ATP8B4: variants seen among roughly 807,000 people sequenced by gnomAD.
ATP8B4 encodes the protein probable phospholipid-transporting ATPase IM.
A neutral mutation model predicts 145.6 loss-of-function variants in ATP8B4; 133 were observed. The observed-to-expected ratio is 0.91, with a 90% confidence interval of 0.79 to 1.05. ATP8B4 has a LOEUF of 1.05. Among genes scored for constraint, ATP8B4 ranks in the 50% least tolerant of loss-of-function variants. The pLI is 0.00. For synonymous variants in ATP8B4, 507 were observed against 492.9 expected, an observed-to-expected ratio of 1.03 and a Z score of -0.38; for missense variants, 1,458 against 1,425.2, an observed-to-expected ratio of 1.02 and a Z score of -0.37.
intron 3 of ATP8B4, among the ~76,000 whole-genome samples, chr15:50,057,101 A>T (rs1304254440): frequency 6.6e-6 from 1 of 152,196 alleles, no homozygotes; most frequent in Admixed American, 6.5e-5. Context: ...TTATGGACAA[A>T]GGAGCTCATC....
At chr15:49,972,508 T>C in intron 13 of ATP8B4, 74 bp downstream of exon 13, 1 of 1,388,952 alleles carries the variant, frequency 7.2e-7, no homozygotes, top group Non-Finnish European at 9.8e-7. Context: ...GATTTTTAAA[T>C]TTTTTTTTAA....
At position 49,963,634 on chromosome 15, in the gene ATP8B4, C is replaced by T. The variant is rs191632636; in HGVS notation, c.1244-1614G>A. On this transcript the variant is annotated intron_variant, in intron 13 of 27. Transcript: ENST00000284509. ...GGACATGGATAGAGCTGGAATCCAT[C>T]ATCCTCAGCAAACTAACACAGGAAC... 8.5e-5 allele frequency among the ~76,000 whole-genome samples: 13 copies of T among 152,236 alleles called. No homozygotes were observed. In the East Asian group the frequency reaches 2.5e-3, roughly 29 times the overall value.
rs114445566 is a variant in ATP8B4 at position 49,985,079 on chromosome 15, A to G, written c.748+2312T>C. Among the ~76,000 whole-genome samples the G allele has an allele frequency of 4.5e-3, 678 of 150,402 alleles. 5 individuals are homozygous for G. The highest frequency in any genetic ancestry group is 0.016 in the African/African-American group (662 of 40,390). Reference sequence around the variant, plus strand: ...TAACTAGAGTAATAACACAGAAAGAATACTTAATAATTCATTTTGGATTTT... The same window carrying G: ...TAACTAGAGTAATAACACAGAAAGAGTACTTAATAATTCATTTTGGATTTT... On this transcript the variant is annotated intron_variant, in intron 10 of 27. Transcript: ENST00000284509.
chr15:49,934,189 G>T lies in ATP8B4; in HGVS notation c.1288-7C>A. ...AATCCACAGGCTCTTTTTCCTGTAG[G>T]AGAACAACAACAACAAAAATAACCA... On this transcript the variant is annotated splice_region_variant and splice_polypyrimidine_tract_variant and intron_variant, in intron 14 of 27. Coordinates refer to ENST00000284509, the MANE Select transcript of ATP8B4 (RefSeq NM_024837.4). The T allele has an allele frequency of 6.3e-7, 1 of 1,595,388 alleles. No individual in the cohort carries two copies. Among genetic ancestry groups the T allele is most frequent in the Admixed American group, 1.8e-5 (1 of 55,012 alleles).
chr15:49,941,877 TG>T (rs1167865373), intron 14 of ATP8B4, among the ~76,000 whole-genome samples: 11 of 152,174 alleles, frequency 7.2e-5, no homozygotes, highest in Non-Finnish European at 1.0e-4. Flanking sequence ...AAGAATAAAA[TG>T]TTTTTTTGCA....
At chr15:49,989,094 G>C (rs563680544) in intron 9 of ATP8B4, among the ~76,000 whole-genome samples, 2 of 152,182 alleles carry the variant, frequency 1.3e-5, no homozygotes, top group South Asian at 4.1e-4. Flanking sequence ...AGGAGGATTT[G>C]GATAAGACAA....
chr15:49,972,458 G>A (rs949461946), intron 13 of ATP8B4, 124 bp downstream of exon 13: 1 of 820,562 alleles, frequency 1.2e-6, no homozygotes, highest in African/African-American at 1.7e-5. Flanking sequence ...GGTAGATGCT[G>A]ACGGTGCCCA....
At chr15:50,003,844 CCATGGTAAACAAGGGGTG>C (rs2048098522) in intron 7 of ATP8B4, among the ~76,000 whole-genome samples, 1 of 152,142 alleles carries the variant, frequency 6.6e-6, no homozygotes, top group African/African-American at 2.4e-5. Flanking sequence ...GACACTCACA[CCATGGTAAACAAGGGGTG>C]GAGTCCCTGC....
chr15:49,878,664 G>A (rs924731729), intron 24 of ATP8B4, among the ~76,000 whole-genome samples: 1 of 152,156 alleles, frequency 6.6e-6, no homozygotes, highest in African/African-American at 2.4e-5. Flanking sequence ...CTCTGAGTAT[G>A]CCAAGGATCT....
intron 14 of ATP8B4, among the ~76,000 whole-genome samples, chr15:49,939,356 C>G (rs1198968745): frequency 6.6e-6 from 1 of 150,782 alleles, no homozygotes; most frequent in African/African-American, 2.4e-5. Flanking sequence ...AGACCACTAG[C>G]AAGATTAACA....
rs545385214 is a variant in ATP8B4, at chr15:49,966,624, G to T, written c.1244-4604C>A. Among the ~76,000 whole-genome samples the T allele has an allele frequency of 5.3e-5, 8 of 152,322 alleles. No homozygotes were observed. In the East Asian group the frequency reaches 1.2e-3, roughly 22 times the overall value. ...AGAAAGGCAGCGGCCCCAGTCAGGG[G>T]CTTATAGATAAAACTCCCATCTCCC... On this transcript the variant is annotated intron_variant, in intron 13 of 27. Transcript: ENST00000284509.
At chr15:50,080,218 C>T (rs957914717) in intron 2 of ATP8B4, among the ~76,000 whole-genome samples, 6 of 152,172 alleles carry the variant, frequency 3.9e-5, no homozygotes, top group African/African-American at 1.4e-4. Context: ...AGCAATTAAG[C>T]ACTCATTGGA....
intron 3 of ATP8B4, among the ~76,000 whole-genome samples, chr15:50,072,960 C>A (rs1600199167): frequency 6.0e-5 from 2 of 33,312 alleles, no homozygotes; most frequent in Non-Finnish European, 1.1e-4. Context: ...CTCTCTCTCT[C>A]TCTCTCTCTC....
intron 1 of ATP8B4, among the ~76,000 whole-genome samples, chr15:50,154,320 A>G (rs1250191473): frequency 6.6e-6 from 1 of 152,130 alleles, no homozygotes; most frequent in Non-Finnish European, 1.5e-5. Context: ...TCTCTATCCT[A>G]TTCACTAGTT....
intron 3 of ATP8B4, among the ~76,000 whole-genome samples, chr15:50,049,912 G>A (rs1267969787): frequency 6.6e-6 from 1 of 151,956 alleles, no homozygotes; most frequent in African/African-American, 2.4e-5. Context: ...ATGATTAGTG[G>A]TATTTAGCAT....
chr15:49,961,721 C>G (rs1344362555), intron 14 of ATP8B4, among the ~76,000 whole-genome samples: 1 of 152,072 alleles, frequency 6.6e-6, no homozygotes, highest in Non-Finnish European at 1.5e-5. Flanking sequence ...TTATTTTTCT[C>G]ACTATGTAAA....
chr15:50,133,808 TAA>T (rs1346196320), intron 1 of ATP8B4, among the ~76,000 whole-genome samples: 1 of 152,090 alleles, frequency 6.6e-6, no homozygotes, highest in East Asian at 1.9e-4. Flanking sequence ...TGGAATTTGC[TAA>T]GAGAGTAAAT....
At chr15:49,906,873 G>A (rs910848628) in intron 20 of ATP8B4, among the ~76,000 whole-genome samples, 8 of 152,174 alleles carry the variant, frequency 5.3e-5, no homozygotes, top group Admixed American at 2.6e-4. Flanking sequence ...AAAAAAAGCC[G>A]GGGTCCTGAC....
chr15:49,979,609 C>T lies in ATP8B4; in HGVS notation c.1034+8G>A, dbSNP rs73398868. 7.7e-4 allele frequency: 1,108 copies of T among 1,440,798 alleles called. 13 individuals are homozygous for T. In the African/African-American group the frequency reaches 0.014, roughly 18 times the overall value. 89.3% of individuals were successfully genotyped at this position (1,440,798 alleles called of 1,614,324 possible). A position where few individuals can be genotyped will look rare whatever the true frequency, so the allele number is the denominator to read the frequency against. ...ATTATTTCATTAAAATATAAACTCT[C>T]ATCTTACCTCACATATAAGGAAATG... On this transcript the variant is annotated splice_region_variant and intron_variant, in intron 12 of 27. Transcript: ENST00000284509.
Sources: gnomAD v4.1 joint callset for allele counts (sites outside exome capture counted in the v4.1 genomes callset) on GRCh38, gnomAD v4.1.1 for gene constraint, MANE v1.5 for transcripts, NCBI Gene and HGNC (gene_info 2026-07-23, HGNC 2026-07-21) for gene names.